The following GALNT12 variants were observed in gnomAD, a reference collection of about 807,000 sequenced individuals.
GALNT12 encodes the protein polypeptide N-acetylgalactosaminyltransferase 12.
In GALNT12, 45 loss-of-function variants were observed where a neutral mutation model predicts 55.5. The ratio of observed to expected loss-of-function variants is 0.81; its 90% CI spans 0.64 to 1.04. The LOEUF (loss-of-function observed/expected upper bound fraction) is 1.04. Among genes scored for constraint, GALNT12 ranks in the 50% least tolerant of loss-of-function variants. The probability of loss-of-function intolerance (pLI) is 0.00; values close to 1 mark genes in which losing one functional copy is unlikely to be tolerated. For synonymous variants in GALNT12, 304 were observed against 312.2 expected (o/e 0.97, Z 0.28); for missense variants, 709 against 754.8 (o/e 0.94, Z 0.71).
At chr9:98,841,763 T>C (rs1458054131) in intron 7 of GALNT12, among the ~76,000 whole-genome samples, 1 of 151,772 alleles carries the variant, frequency 6.6e-6, no homozygotes. Flanking sequence ...CTCTGCCTCA[T>C]GGGTTCAAGC....
intron 1 of GALNT12, among the ~76,000 whole-genome samples, chr9:98,816,036 C>T (rs567757861): frequency 6.6e-5 from 10 of 152,256 alleles, no homozygotes; most frequent in African/African-American, 2.4e-4. Flanking sequence ...AAGTACAAGG[C>T]GTGCTGAAAA....
intron 7 of GALNT12, among the ~76,000 whole-genome samples, chr9:98,843,665 C>T (rs1241009627): frequency 6.6e-6 from 1 of 152,234 alleles, no homozygotes; most frequent in East Asian, 1.9e-4. Context: ...CCTCCGTCTC[C>T]CAAAGTGCTG....
Position 98,807,760 on chromosome 9 carries a change from T to C in GALNT12, c.62T>C (p.Leu21Pro). ...GAACTGCGGCGCGGCCGGGAGGCGC[T>C]GTTGGTGCTCCTGGCGCTACTGGCG... ...PRELRRGREALLVLLALLALA... is the reference protein window; with the variant it reads ...PRELRRGREAPLVLLALLALA... The change falls in exon 1 of 10, where the codon CTG (leucine) becomes CCG (proline). Residue 21 changes from leucine (L) to proline (P), a missense_variant. By Grantham distance (98) the Leu-to-Pro change is moderately conservative (BLOSUM62 -3). This residue lies in a region of GALNT12 where 110 missense variants were observed against 102.2 expected (regional missense o/e 1.08). Coordinates refer to ENST00000375011, the MANE Select transcript of GALNT12 (RefSeq NM_024642.5). The C allele has an allele frequency of 8.5e-7, 1 of 1,179,692 alleles. No individual in the cohort carries two copies. The highest frequency in any genetic ancestry group is 3.9e-5 in the Admixed American group (1 of 25,656). The allele number at this position is 1,179,692 out of a possible 1,614,324, so 73.1% of individuals were successfully genotyped here.
In GALNT12 at chr9:98,821,624, C is replaced by CAAAAAAAAAAAAAAAAAAAAAAA. The variant is rs11467276; in HGVS notation, c.372-1619_372-1618insAAAAAAAAAAAAAAAAAAAAAAA. ...TGGGCAACAGAGCGAGACTCCATCT[C>CAAAAAAAAAAAAAAAAAAAAAAA]AAAAAAAAAAAAAGAAAGAAATTTC... On this transcript the variant is annotated intron_variant, in intron 1 of 9. Coordinates refer to ENST00000375011, the MANE Select transcript of GALNT12 (RefSeq NM_024642.5). Among the ~76,000 whole-genome samples the CAAAAAAAAAAAAAAAAAAAAAAA allele has an allele frequency of 5.2e-4, 58 of 112,036 alleles. 4 individuals carry two copies. The highest frequency in any genetic ancestry group is 5.4e-3 in the Middle Eastern group (1 of 184). 73.5% of individuals were successfully genotyped at this position (112,036 alleles called of 152,430 possible). A position where few individuals can be genotyped will look rare whatever the true frequency, so the allele number is the denominator to read the frequency against.
At chr9:98,848,816 C>A in intron 9 of GALNT12, 136 bp from the exon 10 acceptor site, 3 of 1,005,908 alleles carry the variant, frequency 3.0e-6, no homozygotes, top group Non-Finnish European at 4.5e-6. Context: ...TGAGTTGCTG[C>A]GTTACACGGA....
Position 98,836,974 on chromosome 9 carries a change from C to A in GALNT12, c.1038C>A (p.Ile346=). 1 of 1,614,120 alleles carries A rather than the reference C, an allele frequency of 6.2e-7. No homozygotes were observed. Among genetic ancestry groups the A allele is most frequent in the Non-Finnish European group, 8.5e-7 (1 of 1,180,028 alleles). The change falls in exon 6 of 10, where the codon ATC becomes ATA. Residue 346 remains isoleucine, a splice_region_variant and synonymous_variant. Transcript: ENST00000375011. ...GGENLEFSFR[I]WQCGGVLETH... ...CCTCTCCTTTTCTCTGTGTGCAGAT[C>A]TGGCAGTGTGGTGGGGTTCTGGAAA...
chr9:98,814,448 C>G (rs1835569081), intron 1 of GALNT12, among the ~76,000 whole-genome samples: 1 of 152,170 alleles, frequency 6.6e-6, no homozygotes, highest in Non-Finnish European at 1.5e-5. Context: ...GTGGGTCATG[C>G]CTGTAATCCC....
chr9:98,836,054 T>C (rs1339126756), intron 5 of GALNT12, among the ~76,000 whole-genome samples: 2 of 152,216 alleles, frequency 1.3e-5, no homozygotes, highest in Non-Finnish European at 2.9e-5. Context: ...TAAGAATTGC[T>C]GGGTAAACTT....
At chr9:98,808,635 G>A (rs1835428997) in intron 1 of GALNT12, among the ~76,000 whole-genome samples, 1 of 152,232 alleles carries the variant, frequency 6.6e-6, no homozygotes, top group South Asian at 2.1e-4. Flanking sequence ...AGGCGGGAAG[G>A]GGCACGGGGT....
intron 4 of GALNT12, among the ~76,000 whole-genome samples, chr9:98,834,825 AAT>A (rs1243814759): frequency 1.3e-5 from 2 of 151,872 alleles, no homozygotes; most frequent in African/African-American, 4.8e-5. Flanking sequence ...TATGCTTCTA[AAT>A]GTCCCTGGAT....
At chr9:98,837,995 G>T (rs1836195651) in intron 6 of GALNT12, among the ~76,000 whole-genome samples, 1 of 152,174 alleles carries the variant, frequency 6.6e-6, no homozygotes, top group Non-Finnish European at 1.5e-5. Flanking sequence ...GGTGTCACAG[G>T]CCAGGCATTG....
Position 98,831,918 on chromosome 9 carries a change from G to T in GALNT12, c.878G>T (p.Arg293Met). The change falls in exon 4 of 10, where the codon AGG becomes ATG. Residue 293 changes from arginine to methionine, a missense_variant. Around this residue, in one of 5 missense-constraint regions of GALNT12, gnomAD observed 315 missense variants for 288.6 expected, o/e 1.09. Coordinates refer to ENST00000375011, the MANE Select transcript of GALNT12 (RefSeq NM_024642.5). ...LVFTWHTVPE[R>M]ERIRMQSPVD... is the part of the protein sequence containing the mutation. Reference sequence around the variant, plus strand: ...TTCACGTGGCACACAGTTCCTGAGAGGGAGAGGATACGGATGCAATCCCCC... The same window carrying T: ...TTCACGTGGCACACAGTTCCTGAGATGGAGAGGATACGGATGCAATCCCCC... 6.2e-7 allele frequency: 1 copy of T among 1,614,128 alleles called. No homozygotes were observed. The highest frequency in any genetic ancestry group is 8.5e-7 in the Non-Finnish European group (1 of 1,180,024).
intron 7 of GALNT12, among the ~76,000 whole-genome samples, chr9:98,840,562 A>G (rs772424920): frequency 2.6e-5 from 4 of 152,114 alleles, no homozygotes; most frequent in Non-Finnish European, 4.4e-5. Context: ...TTGGGATGAG[A>G]CCAGATAAAA....
Position 98,823,215 on chromosome 9 carries a change from GGGC to G in GALNT12, c.372-40_372-38del, listed in dbSNP as rs1167127801. The G allele has an allele frequency of 3.8e-6, 6 of 1,597,970 alleles. No individual in the cohort carries two copies. The South Asian group carries it at 5.5e-5, about 15-fold the overall frequency. On this transcript the variant is annotated intron_variant, in intron 1 of 9. Transcript: ENST00000375011. The stretch of plus-strand genomic sequence containing the variant: ...GTCACTCCATCCCCAGTGCCAGCCT[GGGC>G]TAGATCCTGAGTTCCTGAAGTTCCG...
chr9:98,832,753 G>T (rs553687960), intron 4 of GALNT12, among the ~76,000 whole-genome samples: 2 of 152,024 alleles, frequency 1.3e-5, no homozygotes, highest in Non-Finnish European at 2.9e-5. Flanking sequence ...TTTGTACTTG[G>T]CTTCTTTGAC....
Position 98,840,027 on chromosome 9 carries a change from G to A in GALNT12, c.1238G>A (p.Arg413Lys). 5 of 1,614,180 alleles carry A rather than the reference G, an allele frequency of 3.1e-6. No individual in the cohort carries two copies. The highest frequency in any genetic ancestry group is 4.2e-6 in the Non-Finnish European group (5 of 1,180,028). ...RLEPFGDVTERKQLRDKLQCK... is the reference protein window; with the variant it reads ...RLEPFGDVTEKKQLRDKLQCK... ...GAACCTTTTGGGGATGTGACAGAGA[G>A]GAAGCAGCTCCGGGACAAGCTCCAG... Residue 413 changes from arginine (R) to lysine (K), a missense_variant, in exon 7 of 10, where the codon AGG (arginine) becomes AAG (lysine). Transcript: ENST00000375011.
At chr9:98,836,882 T>C in intron 5 of GALNT12, 90 bp from the exon 6 acceptor site, 2 of 1,382,092 alleles carry the variant, frequency 1.4e-6, no homozygotes, top group Non-Finnish European at 2.1e-6. Flanking sequence ...CATCATGCCT[T>C]GCGTGTGCCT....
intron 4 of GALNT12, among the ~76,000 whole-genome samples, chr9:98,834,199 A>G (rs1159238983): frequency 6.6e-6 from 1 of 151,302 alleles, no homozygotes; most frequent in Non-Finnish European, 1.5e-5. Context: ...GCTCTCTGCA[A>G]CCTCTGCCTC....
intron 1 of GALNT12, among the ~76,000 whole-genome samples, chr9:98,816,851 C>CT (rs1209000790): frequency 2.4e-5 from 3 of 124,968 alleles, no homozygotes; most frequent in Non-Finnish European, 3.2e-5. Flanking sequence ...GAGACACAGT[C>CT]TTGCTCTGTT....
Sources: gnomAD v4.1 joint callset for allele counts (sites outside exome capture counted in the v4.1 genomes callset) on GRCh38, gnomAD v4.1.1 for gene constraint, gnomAD v4.1.1 regional missense constraint, MANE v1.5 for transcripts, NCBI Gene and HGNC (gene_info 2026-07-23, HGNC 2026-07-21) for gene names.